The following GRPEL2 variants were observed in gnomAD, a reference collection of about 807,000 sequenced individuals.
GRPEL2 encodes grpE protein homolog 2, mitochondrial.
A neutral mutation model predicts 25.9 loss-of-function variants in GRPEL2; 18 were observed. The ratio of observed to expected loss-of-function variants is 0.70; its 90% confidence interval spans 0.48 to 1.03. The LOEUF is 1.03. Among genes scored for constraint, GRPEL2 ranks in the 50% least tolerant of loss-of-function variants. The probability of loss-of-function intolerance (pLI) is 0.00; values close to 1 mark genes in which losing one functional copy is unlikely to be tolerated. For synonymous variants in GRPEL2, 106 were observed against 107.9 expected, an observed-to-expected ratio of 0.98 and a Z score of 0.11; for missense variants, 247 against 276.2, an observed-to-expected ratio of 0.89 and a Z score of 0.75.
chr5:149,351,488 T>C lies in GRPEL2; in HGVS notation c.*206T>C. 2.0e-6 allele frequency: 1 copy of C among 511,260 alleles called. No homozygotes were observed. Among genetic ancestry groups the C allele is most frequent in the South Asian group, 3.1e-5 (1 of 32,454 alleles). The allele number at this position is 511,260 out of a possible 1,614,324, so 31.7% of individuals were successfully genotyped here. The stretch of plus-strand genomic sequence containing the variant: ...GTCTTACCATTGGGCATTTGAACAG[T>C]GTGACAGGTGTTCCAATGGCCTTTA... On this transcript the variant is annotated 3_prime_UTR_variant, in exon 4 of 4. Coordinates refer to ENST00000329271, the MANE Select transcript of GRPEL2 (RefSeq NM_152407.4).
Position 149,351,330 on chromosome 5 carries a change from T to A in GRPEL2, c.*48T>A, listed in dbSNP as rs1194758264. ...TTCTCCCAGAGCGCAGTCACCTATG[T>A]TTCTTTTATTTATTAAACTAGGTTT... On this transcript the variant is annotated 3_prime_UTR_variant, in exon 4 of 4. Transcript: ENST00000329271. 1.3e-6 allele frequency: 2 copies of A among 1,534,706 alleles called. No individual in the cohort carries two copies. Among genetic ancestry groups the A allele is most frequent in the African/African-American group, 1.4e-5 (1 of 72,344 alleles).
Position 149,349,509 on chromosome 5 carries a change from G to A in GRPEL2, c.232-145G>A, listed in dbSNP as rs1757743790. 27 of 615,462 alleles carry A rather than the reference G, an allele frequency of 4.4e-5. No homozygotes were observed. In the South Asian group the frequency reaches 5.6e-4, roughly 13 times the overall value. 38.1% of individuals were successfully genotyped at this position (615,462 alleles called of 1,614,324 possible). On this transcript the variant is annotated intron_variant, in intron 2 of 3. Transcript: ENST00000329271. ...TTTCTGCGTTGACTGGGGATTTGGA[G>A]TAGCTGATCTAAGATTTCTGTAACT...
chr5:149,351,338 A>T lies in GRPEL2; in HGVS notation c.*56A>T. ...GAGCGCAGTCACCTATGTTTCTTTT[A>T]TTTATTAAACTAGGTTTGTATTGTA... On this transcript the variant is annotated 3_prime_UTR_variant, in exon 4 of 4. Transcript: ENST00000329271. The T allele has an allele frequency of 6.6e-7, 1 of 1,523,058 alleles. No homozygotes were observed. Among genetic ancestry groups the T allele is most frequent in the African/African-American group, 1.4e-5 (1 of 72,152 alleles). 94.3% of individuals were successfully genotyped at this position (1,523,058 alleles called of 1,614,324 possible).
Position 149,351,129 on chromosome 5 carries a change from C to T in GRPEL2, c.525C>T (p.Pro175=). 6.2e-7 allele frequency: 1 copy of T among 1,614,192 alleles called. No homozygotes were observed. The highest frequency in any genetic ancestry group is 1.1e-5 in the South Asian group (1 of 91,086). The change falls in exon 4 of 4, where the codon CCC becomes CCT. Residue 175 remains proline, a synonymous_variant. Transcript: ENST00000329271. ...KLTPIGDKYD[P]HEHELICHVP... ...CACCCATTGGTGACAAATATGACCC[C>T]CATGAGCATGAACTCATCTGTCATG...
At position 149,346,715 on chromosome 5, in the gene GRPEL2, A is replaced by ATT. The variant is rs34300270; in HGVS notation, c.77+1138_77+1139dup. On this transcript the variant is annotated intron_variant, in intron 1 of 3. Coordinates refer to ENST00000329271, the MANE Select transcript of GRPEL2 (RefSeq NM_152407.4). ...TTTTCCCTTTGAACTGGCCCTGAGA[A>ATT]TTTTTTTTTTTTTTTTTTTTTTTTT... Among the ~76,000 whole-genome samples the ATT allele has an allele frequency of 1.3e-3, 77 of 59,264 alleles. 20 individuals are homozygous for ATT. Among genetic ancestry groups the ATT allele is most frequent in the African/African-American group, 4.0e-3 (49 of 12,206 alleles). 38.9% of individuals were successfully genotyped at this position (59,264 alleles called of 152,430 possible). A position where few individuals can be genotyped will look rare whatever the true frequency, so the allele number is the denominator to read the frequency against.
chr5:149,347,242 T>C lies in GRPEL2; in HGVS notation c.78-1030T>C, dbSNP rs1207258539. ...ATAAAAGTCCTCTTGCTTACACCTT[T>C]AAACTAGCTATTTGCTCTGCCCAGG... On this transcript the variant is annotated intron_variant, in intron 1 of 3. Transcript: ENST00000329271. Among the ~76,000 whole-genome samples, 3 of 152,308 alleles carry C rather than the reference T, an allele frequency of 2.0e-5. No homozygotes were observed. The East Asian group carries it at 5.8e-4, about 29-fold the overall frequency.
At chr5:149,350,240 T>C (rs1340174974) in intron 3 of GRPEL2, among the ~76,000 whole-genome samples, 1 of 152,148 alleles carries the variant, frequency 6.6e-6, no homozygotes, top group East Asian at 1.9e-4. Flanking sequence ...GTAAGAAAAA[T>C]CAAGTTTTAG....
chr5:149,345,804 C>T (rs1287133158), intron 1 of GRPEL2, 188 bp downstream of exon 1: 3 of 608,216 alleles, frequency 4.9e-6, no homozygotes, highest in Non-Finnish European at 5.9e-6. Context: ...ATCAGCCGTG[C>T]CTCTTTCTTA....
Position 149,354,413 on chromosome 5 carries a change from T to C in GRPEL2, c.*3131T>C, listed in dbSNP as rs1459616928. ...CAGGCAGTTGGGTATTGATATGTTA[T>C]TTGGTGCTCTCATTCATGGCAAAGG... On this transcript the variant is annotated 3_prime_UTR_variant, in exon 4 of 4. Coordinates refer to ENST00000329271, the MANE Select transcript of GRPEL2 (RefSeq NM_152407.4). The C allele has an allele frequency of 6.6e-6, 1 of 152,226 alleles. No homozygotes were observed. Among genetic ancestry groups the C allele is most frequent in the African/African-American group, 2.4e-5 (1 of 41,456 alleles). The allele number at this position is 152,226 out of a possible 1,614,324, so 9.4% of individuals were successfully genotyped here.
At position 149,351,192 on chromosome 5, in the gene GRPEL2, A is replaced by C. The variant is rs200803406; in HGVS notation, c.588A>C (p.Ala196=). The change falls in exon 4 of 4, where the codon GCA becomes GCC. Residue 196 remains alanine, a synonymous_variant. Coordinates refer to ENST00000329271, the MANE Select transcript of GRPEL2 (RefSeq NM_152407.4). ...AGVGVQPGTV[A]LVRQDGYKLH... is the part of the protein sequence containing the mutation. ...TTGGGGTGCAGCCTGGCACCGTGGCATTAGTAAGACAAGATGGCTACAAAC... is the reference window on the plus strand; with the variant it reads ...TTGGGGTGCAGCCTGGCACCGTGGCCTTAGTAAGACAAGATGGCTACAAAC... The C allele has an allele frequency of 2.2e-5, 35 of 1,614,176 alleles. No homozygotes were observed. The highest frequency in any genetic ancestry group is 2.9e-5 in the Non-Finnish European group (34 of 1,180,024).
At chr5:149,349,984 C>T (rs1391548123) in intron 3 of GRPEL2, 13 of 535,244 alleles carry the variant, frequency 2.4e-5, no homozygotes, top group Middle Eastern at 4.8e-4. Flanking sequence ...GCAGAGGTTG[C>T]AGTAAGCCAG....
intron 3 of GRPEL2, 48 bp downstream of exon 3, chr5:149,349,783 C>T (rs766853712): frequency 7.4e-7 from 1 of 1,348,508 alleles, no homozygotes; most frequent in South Asian, 1.2e-5. Context: ...GGCACAGTGG[C>T]TTATGCCTGT....
At chr5:149,346,795 T>A (rs1270200277) in intron 1 of GRPEL2, among the ~76,000 whole-genome samples, 5 of 126,754 alleles carry the variant, frequency 3.9e-5, no homozygotes, top group African/African-American at 1.5e-4. Flanking sequence ...TGGAGTGCAG[T>A]GGCACAATCT....
intron 3 of GRPEL2, among the ~76,000 whole-genome samples, chr5:149,350,538 TAG>T (rs1757758631): frequency 6.6e-6 from 1 of 152,230 alleles, no homozygotes; most frequent in East Asian, 1.9e-4. Context: ...ATGTATGCCA[TAG>T]CACAACTGGG....
intron 3 of GRPEL2, 27 bp from the exon 4 acceptor site, chr5:149,350,891 C>A: frequency 6.2e-7 from 1 of 1,606,700 alleles, no homozygotes; most frequent in Non-Finnish European, 8.5e-7. Context: ...TCCTCACAAA[C>A]AATAAAAATA....
At chr5:149,346,387 T>C (rs1757688984) in intron 1 of GRPEL2, among the ~76,000 whole-genome samples, 1 of 152,176 alleles carries the variant, frequency 6.6e-6, no homozygotes, top group African/African-American at 2.4e-5. Context: ...CTCTGAATAG[T>C]AAAGTAAGCT....
intron 3 of GRPEL2, chr5:149,349,938 G>T (rs974349983): frequency 1.8e-6 from 1 of 561,786 alleles, no homozygotes; most frequent in East Asian, 3.1e-5. Context: ...CAGCTACTCT[G>T]GAGGCTGAGG....
At position 149,345,551 on chromosome 5, in the gene GRPEL2, G is replaced by A; in HGVS notation, c.12G>A (p.Arg4=). The A allele has an allele frequency of 6.2e-7, 1 of 1,611,654 alleles. No individual in the cohort carries two copies. The highest frequency in any genetic ancestry group is 2.2e-5 in the East Asian group (1 of 44,784). Reference sequence around the variant, plus strand: ...CCCAAATTGGAAACATGGCCGTACGGTCGCTGTGGGCGGGCCGGCTGCGGG... The same window carrying A: ...CCCAAATTGGAAACATGGCCGTACGATCGCTGTGGGCGGGCCGGCTGCGGG... MAV[R]SLWAGRLRVQ... is the part of the protein sequence containing the mutation. Residue 4 remains arginine, a synonymous_variant, in exon 1 of 4, where the codon CGG becomes CGA. Transcript: ENST00000329271.
Position 149,345,567 on chromosome 5 carries a change from C to T in GRPEL2, c.28C>T (p.Arg10Trp). The change falls in exon 1 of 4, where the codon CGG (arginine) becomes TGG (tryptophan). Residue 10 changes from arginine to tryptophan, a missense_variant. By Grantham distance (101) the Arg-to-Trp change is moderately radical (BLOSUM62 -3). This residue lies in a region of GRPEL2 where 125 missense variants were observed against 107.0 expected (regional missense o/e 1.17). Transcript: ENST00000329271. MAVRSLWAGRLRVQRLLAWS... is the reference protein window; with the variant it reads MAVRSLWAGWLRVQRLLAWS... ...GGCCGTACGGTCGCTGTGGGCGGGCCGGCTGCGGGTGCAGCGCCTACTGGC... is the reference window on the plus strand; with the variant it reads ...GGCCGTACGGTCGCTGTGGGCGGGCTGGCTGCGGGTGCAGCGCCTACTGGC... 5 of 1,611,990 alleles carry T rather than the reference C, an allele frequency of 3.1e-6. No homozygotes were observed. The African/African-American group carries it at 4.0e-5, about 13-fold the overall frequency.
Sources: allele counts gnomAD v4.1 joint callset (sites outside exome capture counted in the v4.1 genomes callset), GRCh38; gene constraint gnomAD v4.1.1; regional missense constraint gnomAD v4.1.1; transcripts MANE v1.5; gene names NCBI Gene and HGNC (gene_info 2026-07-23, HGNC 2026-07-21).